The following PCBP2 variants were observed in gnomAD, a reference collection of about 807,000 sequenced individuals.
PCBP2 encodes poly(rC) binding protein 2.
PCBP2 carries 4 observed loss-of-function variants against 50.1 expected under a neutral mutation model. The ratio of observed to expected loss-of-function variants is 0.08; its 90% CI spans 0.04 to 0.18. The LOEUF is 0.18. PCBP2 is among the 10% of genes least tolerant of loss of function. PCBP2 has a pLI of 1.00. For missense variants in PCBP2, 161 were observed against 474.3 expected (o/e 0.34, Z 6.14); for synonymous variants, 179 against 168.0 (o/e 1.07, Z -0.51).
chr12:53,475,883 A>T (rs1018758887), intron 14 of PCBP2: 4 of 152,324 alleles, frequency 2.6e-5, no homozygotes, highest in African/African-American at 9.6e-5. Context: ...GACTTCTCAG[A>T]TGGCCTTACC....
chr12:53,476,651 C>CA (rs534727604), intron 14 of PCBP2, among the ~76,000 whole-genome samples: 114 of 136,142 alleles, frequency 8.4e-4, no homozygotes, highest in Middle Eastern at 7.9e-3. Flanking sequence ...CATTGGCTGA[C>CA]AAAAAAAAAA....
Position 53,479,672 on chromosome 12 carries a change from T to TTTTTTTTTTTTTTTTTGG in PCBP2, c.*241_*242insTTTTTGGTTTTTTTTTTT. On this transcript the variant is annotated 3_prime_UTR_variant, in exon 15 of 15. Coordinates refer to ENST00000546463, the MANE Select transcript of PCBP2 (RefSeq NM_031989.5). ...TTTAGTTTTATAAGCTTCTCCCTGG[T>TTTTTTTTTTTTTTTTTGG]TTTTTTTTTTTGGCTCATGAATTTT... The TTTTTTTTTTTTTTTTTGG allele has an allele frequency of 2.4e-5, 7 of 286,806 alleles. No individual in the cohort carries two copies. Among genetic ancestry groups the TTTTTTTTTTTTTTTTTGG allele is most frequent in the East Asian group, 5.6e-5 (1 of 17,902 alleles). The allele number at this position is 286,806 out of a possible 1,614,324, so 17.8% of individuals were successfully genotyped here.
At chr12:53,475,366 A>G in intron 14 of PCBP2, 1 of 356,314 alleles carries the variant, frequency 2.8e-6, no homozygotes, top group South Asian at 2.1e-5. Flanking sequence ...GGGAGTGGTA[A>G]CCCTTGTTTA....
At chr12:53,457,206 C>T (rs1419866266) in intron 5 of PCBP2, among the ~76,000 whole-genome samples, 1 of 152,034 alleles carries the variant, frequency 6.6e-6, no homozygotes, top group African/African-American at 2.4e-5. Flanking sequence ...GCCACCCTGC[C>T]TGGATAATTT....
At chr12:53,478,371 G>A (rs1352451909) in intron 14 of PCBP2, among the ~76,000 whole-genome samples, 1 of 152,080 alleles carries the variant, frequency 6.6e-6, no homozygotes, top group Non-Finnish European at 1.5e-5. Context: ...AGCTGGGCAT[G>A]GTGACAGCTG....
intron 13 of PCBP2, among the ~76,000 whole-genome samples, chr12:53,470,761 T>G (rs1942172216): frequency 6.6e-6 from 1 of 151,214 alleles, no homozygotes; most frequent in Non-Finnish European, 1.5e-5. Flanking sequence ...AACCAGTTTT[T>G]TTTTTTTTTT....
chr12:53,475,673 A>G (rs1430440550), intron 14 of PCBP2: 2 of 153,662 alleles, frequency 1.3e-5, no homozygotes, highest in Non-Finnish European at 2.9e-5. Context: ...GTGTGCTGTG[A>G]AGGGTAAAGG....
chr12:53,461,075 A>G lies in PCBP2; in HGVS notation c.436A>G (p.Ile146Val). The change falls in exon 7 of 15, where the codon ATC becomes GTC. Residue 146 changes from isoleucine (I) to valine (V), a missense_variant. By Grantham distance (29) the Ile-to-Val change is conservative. Coordinates refer to ENST00000546463, the MANE Select transcript of PCBP2 (RefSeq NM_031989.5). ...GCTACCCAACTCAACTGAGCGGGCC[A>G]TCACTATTGCTGGCATTCCACAATC... is the stretch of plus-strand genomic sequence containing the variant. ...DMLPNSTERA[I>V]TIAGIPQSII... 6.2e-7 allele frequency: 1 copy of G among 1,614,064 alleles called. No homozygotes were observed. The highest frequency in any genetic ancestry group is 8.5e-7 in the Non-Finnish European group (1 of 1,180,012).
chr12:53,462,664 G>A, intron 8 of PCBP2, 97 bp downstream of exon 8: 1 of 931,866 alleles, frequency 1.1e-6, no homozygotes, highest in Non-Finnish European at 1.7e-6. Context: ...CATGCTTGCT[G>A]AAACCTATAC....
chr12:53,465,020 G>GCCCA, intron 9 of PCBP2, 168 bp downstream of exon 9: 1 of 752,908 alleles, frequency 1.3e-6, no homozygotes, highest in Non-Finnish European at 1.9e-6. Context: ...AGGCCGCGTA[G>GCCCA]CCCACCAGAT....
intron 8 of PCBP2, among the ~76,000 whole-genome samples, chr12:53,464,310 C>T: frequency 6.8e-6 from 1 of 147,738 alleles, no homozygotes; most frequent in Admixed American, 6.8e-5. Context: ...CTTCCCTACC[C>T]ACCCTCCCTC....
chr12:53,478,970 T>C (rs569931772), intron 14 of PCBP2, among the ~76,000 whole-genome samples: 79 of 152,244 alleles, frequency 5.2e-4, no homozygotes, highest in Middle Eastern at 3.4e-3. Context: ...GTCTCAGCAT[T>C]AAACCCTTGA....
chr12:53,458,750 C>T (rs367718750), intron 5 of PCBP2, among the ~76,000 whole-genome samples: 7 of 151,882 alleles, frequency 4.6e-5, no homozygotes, highest in East Asian at 1.9e-4. Flanking sequence ...GCGATTCTCC[C>T]GCATCAGCAT....
chr12:53,474,885 CCCT>C (rs1942468341), intron 14 of PCBP2: 1 of 433,332 alleles, frequency 2.3e-6, no homozygotes, highest in South Asian at 1.6e-5. Flanking sequence ...AAACGCTAAA[CCCT>C]CCTCCCAGGC....
At chr12:53,477,677 A>C (rs1047982035) in intron 14 of PCBP2, among the ~76,000 whole-genome samples, 6 of 137,298 alleles carry the variant, frequency 4.4e-5, no homozygotes, top group African/African-American at 1.3e-4. Flanking sequence ...AAAAAAAAAA[A>C]AAAAAAAAAA....
chr12:53,461,487 C>G (rs1941439464), intron 7 of PCBP2, among the ~76,000 whole-genome samples: 2 of 152,124 alleles, frequency 1.3e-5, no homozygotes, highest in Admixed American at 6.5e-5. Flanking sequence ...ATTTTGGTTA[C>G]ATGGAAATTT....
intron 5 of PCBP2, 107 bp downstream of exon 5, chr12:53,456,108 C>G: frequency 4.1e-6 from 3 of 733,024 alleles, no homozygotes; most frequent in Non-Finnish European, 7.2e-6. Flanking sequence ...CCTTGAGACT[C>G]GCTGTAAATG....
rs1268247347 is a variant in PCBP2 at position 53,454,838 on chromosome 12, C to G, written c.38C>G (p.Thr13Ser). Residue 13 changes from threonine (T) to serine (S), a missense_variant, in exon 2 of 15, where the codon ACT (threonine) becomes AGT (serine). By Grantham distance (58) the Thr-to-Ser change is moderately conservative. Coordinates refer to ENST00000546463, the MANE Select transcript of PCBP2 (RefSeq NM_031989.5). ...TGVIEGGLNV[T>S]LTIRLLMHGK... Reference sequence around the variant, plus strand: ...GTGATTGAAGGTGGATTAAATGTCACTCTCACCATCCGGCTACTTATGCAT... The same window carrying G: ...GTGATTGAAGGTGGATTAAATGTCAGTCTCACCATCCGGCTACTTATGCAT... 2.5e-6 allele frequency: 4 copies of G among 1,614,166 alleles called. No homozygotes were observed. Among genetic ancestry groups the G allele is most frequent in the Non-Finnish European group, 2.5e-6 (3 of 1,179,984 alleles).
rs567148718 is a variant in PCBP2 at position 53,470,999 on chromosome 12, G to A, written c.883-639G>A. ...AGAAATAATGAAGAGCTAATACTTG[G>A]ACCTAAGAGTATTATGTCTCTTGGA... On this transcript the variant is annotated intron_variant, in intron 13 of 14. Transcript: ENST00000546463. Among the ~76,000 whole-genome samples, 401 of 152,150 alleles carry A rather than the reference G, an allele frequency of 2.6e-3. 8 individuals carry two copies. Among genetic ancestry groups the A allele is most frequent in the Non-Finnish European group, 6.9e-4 (47 of 68,018 alleles).
Sources: allele counts gnomAD v4.1 joint callset (sites outside exome capture counted in the v4.1 genomes callset), GRCh38; gene constraint gnomAD v4.1.1; transcripts MANE v1.5; gene names NCBI Gene and HGNC (gene_info 2026-07-23, HGNC 2026-07-21).